IMMP2L: variants seen among roughly 807,000 people sequenced by gnomAD.
IMMP2L encodes the protein mitochondrial inner membrane protease subunit 2.
IMMP2L carries 18 observed loss-of-function variants against 19.3 expected under a neutral mutation model. The ratio of observed to expected loss-of-function variants is 0.93; its 90% CI spans 0.64 to 1.38. The LOEUF (loss-of-function observed/expected upper bound fraction) is 1.38. Among genes scored for constraint, IMMP2L ranks in the 40% most tolerant of loss-of-function variants. The probability of loss-of-function intolerance (pLI) is 0.00; values close to 1 mark genes in which losing one functional copy is unlikely to be tolerated. For missense variants in IMMP2L, 233 were observed against 218.2 expected, an observed-to-expected ratio of 1.07 and a Z score of -0.43; for synonymous variants, 76 against 73.0, an observed-to-expected ratio of 1.04 and a Z score of -0.21.
At chr7:111,192,980 T>C (rs1168471780) in intron 3 of IMMP2L, among the ~76,000 whole-genome samples, 1 of 152,046 alleles carries the variant, frequency 6.6e-6, no homozygotes, top group Non-Finnish European at 1.5e-5. Context: ...GGGAAGTCCT[T>C]GGCAACCTGA....
At chr7:111,063,479 T>A (rs1454918383) in intron 3 of IMMP2L, among the ~76,000 whole-genome samples, 1 of 152,174 alleles carries the variant, frequency 6.6e-6, no homozygotes, top group African/African-American at 2.4e-5. Flanking sequence ...GGGCTTAACA[T>A]TTGGCTCCTC....
intron 3 of IMMP2L, among the ~76,000 whole-genome samples, chr7:111,255,919 G>C (rs1477037788): frequency 6.6e-6 from 1 of 152,022 alleles, no homozygotes; most frequent in East Asian, 1.9e-4. Flanking sequence ...GTATTCTATT[G>C]TTCAAAGCTG....
chr7:110,792,115 A>T (rs2131153649), intron 5 of IMMP2L, among the ~76,000 whole-genome samples: 1 of 151,878 alleles, frequency 6.6e-6, no homozygotes, highest in Middle Eastern at 3.4e-3. Flanking sequence ...ATTATTCCTT[A>T]TATACATGAA....
intron 3 of IMMP2L, among the ~76,000 whole-genome samples, chr7:111,179,809 C>T (rs1446873679): frequency 6.6e-6 from 1 of 152,064 alleles, no homozygotes; most frequent in East Asian, 1.9e-4. Flanking sequence ...TTAGCTAAAT[C>T]TTCTGGATAA....
chr7:111,493,345 T>A (rs563479248), intron 2 of IMMP2L, among the ~76,000 whole-genome samples: 1 of 152,138 alleles, frequency 6.6e-6, no homozygotes, highest in Non-Finnish European at 1.5e-5. Flanking sequence ...TGGGAAGTTG[T>A]TCCTATGGCA....
At chr7:111,172,994 G>A (rs765512273) in intron 3 of IMMP2L, among the ~76,000 whole-genome samples, 1 of 151,490 alleles carries the variant, frequency 6.6e-6, no homozygotes, top group Non-Finnish European at 1.5e-5. Context: ...CCTGCTGAGG[G>A]ACTGCTATTG....
At chr7:110,842,835 A>T (rs1429122658) in intron 5 of IMMP2L, among the ~76,000 whole-genome samples, 1 of 152,186 alleles carries the variant, frequency 6.6e-6, no homozygotes, top group Non-Finnish European at 1.5e-5. Flanking sequence ...ACAGAGCTTA[A>T]TTGAAAAGAA....
intron 3 of IMMP2L, among the ~76,000 whole-genome samples, chr7:110,998,794 C>T (rs994003582): frequency 5.3e-5 from 8 of 152,080 alleles, no homozygotes; most frequent in Admixed American, 2.0e-4. Flanking sequence ...AGTGTAATTC[C>T]ACTGTACACA....
chr7:110,914,086 C>A (rs1439912600), intron 4 of IMMP2L, among the ~76,000 whole-genome samples: 1 of 152,176 alleles, frequency 6.6e-6, no homozygotes, highest in Non-Finnish European at 1.5e-5. Flanking sequence ...GATCTTTGCT[C>A]TTGACCAGCC....
At chr7:110,790,040 C>T (rs1800359055) in intron 5 of IMMP2L, among the ~76,000 whole-genome samples, 1 of 151,662 alleles carries the variant, frequency 6.6e-6, no homozygotes, top group Non-Finnish European at 1.5e-5. Flanking sequence ...CTGTCATCCT[C>T]CTGTAGGATG....
intron 3 of IMMP2L, among the ~76,000 whole-genome samples, chr7:111,157,628 G>T (rs1182374830): frequency 1.3e-5 from 2 of 151,968 alleles, no homozygotes; most frequent in Non-Finnish European, 2.9e-5. Flanking sequence ...CAAAAATATG[G>T]TTTGATAGAA....
chr7:110,725,602 C>T (rs918002050), intron 5 of IMMP2L: 1 of 152,158 alleles, frequency 6.6e-6, no homozygotes, highest in Non-Finnish European at 1.5e-5. Flanking sequence ...CTAACATTTG[C>T]TGATCATGTC....
intron 1 of IMMP2L, among the ~76,000 whole-genome samples, chr7:111,537,037 T>C (rs1033527304): frequency 2.0e-5 from 3 of 152,126 alleles, no homozygotes; most frequent in African/African-American, 7.2e-5. Flanking sequence ...CTTTTGGTAT[T>C]TACCCCTTTC....
rs573693658 is a variant in IMMP2L, at chr7:111,471,699, C to T, written c.239+15539G>A. Among the ~76,000 whole-genome samples the T allele has an allele frequency of 6.6e-5, 10 of 152,210 alleles. No individual in the cohort carries two copies. In the South Asian group the frequency reaches 1.7e-3, roughly 25 times the overall value. On this transcript the variant is annotated intron_variant, in intron 3 of 5. Coordinates refer to ENST00000405709, the MANE Select transcript of IMMP2L (RefSeq NM_032549.4). ...AGTGTTAGTAGACAATTTAAAATCA[C>T]ATATATGGCTCACGTTATATTTCTT...
At chr7:110,788,528 A>T (rs1271684944) in intron 5 of IMMP2L, among the ~76,000 whole-genome samples, 1 of 151,598 alleles carries the variant, frequency 6.6e-6, no homozygotes, top group Non-Finnish European at 1.5e-5. Context: ...TTCTTTACTT[A>T]TACTCACTCT....
intron 4 of IMMP2L, among the ~76,000 whole-genome samples, chr7:110,943,168 G>T (rs1304683160): frequency 6.6e-6 from 1 of 152,000 alleles, no homozygotes; most frequent in Non-Finnish European, 1.5e-5. Context: ...CTCCAGCAAT[G>T]CTGGCATGAC....
intron 3 of IMMP2L, among the ~76,000 whole-genome samples, chr7:110,982,503 G>T (rs1212975090): frequency 3.3e-5 from 5 of 152,036 alleles, no homozygotes; most frequent in Non-Finnish European, 5.9e-5. Flanking sequence ...TCCTGGTATT[G>T]AATAGGCATG....
In IMMP2L at chr7:110,841,076, A is replaced by T. The variant is rs79188135; in HGVS notation, c.408+45517T>A. Among the ~76,000 whole-genome samples the T allele has an allele frequency of 9.8e-3, 1,488 of 152,132 alleles. 62 individuals are homozygous for T. The East Asian group carries it at 0.14, about 15-fold the overall frequency. On this transcript the variant is annotated intron_variant, in intron 5 of 5. Transcript: ENST00000405709. ...AATAAACTTGAAAAAGCACTTTTCA[A>T]GTTTTACATGAATAGTTAAATTTAG...
intron 5 of IMMP2L, among the ~76,000 whole-genome samples, chr7:110,864,736 G>A (rs902721325): frequency 1.8e-4 from 27 of 152,148 alleles, no homozygotes; most frequent in Admixed American, 1.7e-3. Context: ...CACGCTGCAT[G>A]AAATAAACAT....
Sources: allele counts gnomAD v4.1 joint callset (sites outside exome capture counted in the v4.1 genomes callset), GRCh38; gene constraint gnomAD v4.1.1; transcripts MANE v1.5; gene names NCBI Gene and HGNC (gene_info 2026-07-23, HGNC 2026-07-21).